CNTNAP2: variants seen among roughly 807,000 people sequenced by gnomAD.
The protein encoded by CNTNAP2 is contactin associated protein 2.
Under a neutral mutation model 155.2 loss-of-function variants are expected in CNTNAP2, and 98 were observed. The ratio of observed to expected loss-of-function variants is 0.63; its 90% CI spans 0.54 to 0.75. The LOEUF is 0.75. Among genes scored for constraint, CNTNAP2 ranks in the 30% least tolerant of loss-of-function variants. The probability of loss-of-function intolerance (pLI) is 0.00; values close to 1 mark genes in which losing one functional copy is unlikely to be tolerated. For missense variants in CNTNAP2, 1,727 were observed against 1,688.1 expected (o/e 1.02, Z -0.40); for synonymous variants, 651 against 631.2 (o/e 1.03, Z -0.47).
chr7:147,174,899 C>T (rs921684611), intron 8 of CNTNAP2, among the ~76,000 whole-genome samples: 23 of 152,006 alleles, frequency 1.5e-4, no homozygotes, highest in African/African-American at 5.6e-4. Flanking sequence ...ATAGATCGCA[C>T]TATAAGAGAC....
chr7:148,355,359 T>C (rs1242418681), intron 21 of CNTNAP2, among the ~76,000 whole-genome samples: 2 of 151,848 alleles, frequency 1.3e-5, no homozygotes, highest in African/African-American at 4.8e-5. Context: ...ACCCCCACTA[T>C]GGTCGATCAG....
intron 4 of CNTNAP2, among the ~76,000 whole-genome samples, chr7:147,064,157 C>A (rs1485805177): frequency 6.6e-6 from 1 of 152,080 alleles, no homozygotes; most frequent in East Asian, 1.9e-4. Context: ...GGCTGACTTA[C>A]CATTAGCATG....
Position 147,128,665 on chromosome 7 carries a change from G to A in CNTNAP2, c.940-28G>A, listed in dbSNP as rs115730262. ...TAGTTCATCATAATACAATGTGGAC[G>A]TTTACATTTAATTTCTTTTTCTCAA... is the stretch of plus-strand genomic sequence containing the variant. On this transcript the variant is annotated intron_variant, in intron 6 of 23. Transcript: ENST00000361727. The A allele has an allele frequency of 1.1e-3, 1,731 of 1,613,328 alleles. 11 individuals carry two copies. In the African/African-American group the frequency reaches 0.019, roughly 18 times the overall value.
chr7:148,364,084 GCCTC>G (rs1416229150), intron 21 of CNTNAP2, among the ~76,000 whole-genome samples: 5 of 152,212 alleles, frequency 3.3e-5, no homozygotes, highest in African/African-American at 1.2e-4. Flanking sequence ...CCATGCCTGA[GCCTC>G]CCACCCACTC....
At chr7:146,764,134 A>T (rs1802153704) in intron 1 of CNTNAP2, among the ~76,000 whole-genome samples, 1 of 152,178 alleles carries the variant, frequency 6.6e-6, no homozygotes, top group Admixed American at 6.6e-5. Context: ...TTACAATTCA[A>T]ATGAGCCCAG....
At chr7:147,895,901 T>C (rs1449551815) in intron 13 of CNTNAP2, among the ~76,000 whole-genome samples, 1 of 152,234 alleles carries the variant, frequency 6.6e-6, no homozygotes, top group Non-Finnish European at 1.5e-5. Context: ...GTCTACAATT[T>C]CCTTTCTCTC....
At chr7:148,396,307 A>G (rs1448216363) in intron 22 of CNTNAP2, among the ~76,000 whole-genome samples, 3 of 152,124 alleles carry the variant, frequency 2.0e-5, no homozygotes, top group African/African-American at 7.2e-5. Context: ...CCTTACCCCC[A>G]GCGATCCCCC....
chr7:147,114,659 C>T (rs998204346), intron 5 of CNTNAP2, among the ~76,000 whole-genome samples: 3 of 152,094 alleles, frequency 2.0e-5, no homozygotes, highest in Non-Finnish European at 4.4e-5. Flanking sequence ...TTTCCATTTG[C>T]TTGGTACATT....
intron 1 of CNTNAP2, among the ~76,000 whole-genome samples, chr7:146,236,663 G>C (rs568805214): frequency 3.3e-5 from 5 of 152,180 alleles, no homozygotes; most frequent in Non-Finnish European, 7.4e-5. Context: ...TAACCGATGA[G>C]AGCAGCAAAT....
intron 2 of CNTNAP2, among the ~76,000 whole-genome samples, chr7:146,792,961 T>A (rs191773128): frequency 1.2e-4 from 18 of 152,312 alleles, no homozygotes; most frequent in African/African-American, 4.1e-4. Flanking sequence ...ATATGTAATT[T>A]TCAATTATCT....
At position 146,679,864 on chromosome 7, in the gene CNTNAP2, A is replaced by G. The variant is rs551717608; in HGVS notation, c.98-94407A>G. 2.3e-3 allele frequency among the ~76,000 whole-genome samples: 346 copies of G among 152,254 alleles called. 3 individuals are homozygous for G. Among genetic ancestry groups the G allele is most frequent in the African/African-American group, 8.2e-3 (341 of 41,552 alleles). ...AAATCTTTATACTTATTTATATTCC[A>G]AATTAATTATAAGACATTCTTTTTT... is the stretch of plus-strand genomic sequence containing the variant. On this transcript the variant is annotated intron_variant, in intron 1 of 23. Transcript: ENST00000361727.
At chr7:146,472,727 A>T (rs989341607) in intron 1 of CNTNAP2, among the ~76,000 whole-genome samples, 1 of 152,024 alleles carries the variant, frequency 6.6e-6, no homozygotes, top group Non-Finnish European at 1.5e-5. Context: ...AGATTTGAAT[A>T]TATTTTCCTT....
rs145589621 is a variant in CNTNAP2 at position 146,356,825 on chromosome 7, C to T, written c.97+239852C>T. On this transcript the variant is annotated intron_variant, in intron 1 of 23. Transcript: ENST00000361727. Reference sequence around the variant, plus strand: ...TCCTCCCTTCAAACACACACACGCACTTTCTTTAAACATTCTACTTTCCAT... The same window carrying T: ...TCCTCCCTTCAAACACACACACGCATTTTCTTTAAACATTCTACTTTCCAT... Among the ~76,000 whole-genome samples the T allele has an allele frequency of 1.7e-3, 265 of 152,224 alleles. 4 individuals are homozygous for T. The highest frequency in any genetic ancestry group is 0.016 in the South Asian group (79 of 4,826).
At chr7:146,441,995 A>G (rs1202705753) in intron 1 of CNTNAP2, among the ~76,000 whole-genome samples, 3 of 151,568 alleles carry the variant, frequency 2.0e-5, no homozygotes, top group African/African-American at 7.3e-5. Context: ...CACATCCCTC[A>G]TGTCTTCTGT....
chr7:146,911,334 C>G (rs1796271194), intron 3 of CNTNAP2, among the ~76,000 whole-genome samples: 1 of 152,092 alleles, frequency 6.6e-6, no homozygotes, highest in African/African-American at 2.4e-5. Context: ...ATAAATCATG[C>G]TGCTATAAAG....
At chr7:146,889,266 T>C (rs1477607087) in intron 3 of CNTNAP2, among the ~76,000 whole-genome samples, 1 of 152,218 alleles carries the variant, frequency 6.6e-6, no homozygotes, top group Admixed American at 6.5e-5. Context: ...TATTTAGATA[T>C]TTCTTCCTAG....
chr7:146,506,450 A>G (rs1264202213), intron 1 of CNTNAP2, among the ~76,000 whole-genome samples: 1 of 152,172 alleles, frequency 6.6e-6, no homozygotes, highest in South Asian at 2.1e-4. Flanking sequence ...ACGTGGCCCA[A>G]TTTCTGCTGC....
intron 15 of CNTNAP2, among the ~76,000 whole-genome samples, chr7:148,003,362 C>T (rs1157691744): frequency 6.6e-6 from 1 of 152,180 alleles, no homozygotes. Flanking sequence ...TAAAATCTCT[C>T]TAACCTAAAA....
At chr7:146,822,099 T>G (rs1309395485) in intron 2 of CNTNAP2, among the ~76,000 whole-genome samples, 2 of 152,072 alleles carry the variant, frequency 1.3e-5, no homozygotes, top group Non-Finnish European at 2.9e-5. Context: ...TAGACTGGAT[T>G]AAGAAAATGT....
Sources: gnomAD v4.1 joint callset for allele counts (sites outside exome capture counted in the v4.1 genomes callset) on GRCh38, gnomAD v4.1.1 for gene constraint, MANE v1.5 for transcripts, NCBI Gene and HGNC (gene_info 2026-07-23, HGNC 2026-07-21) for gene names.